The following TRIM16 variants were observed in gnomAD, a reference collection of about 807,000 sequenced individuals.
The protein encoded by TRIM16 is tripartite motif-containing protein 16.
TRIM16 carries 33 observed loss-of-function variants against 50.4 expected under a neutral mutation model. The observed-to-expected ratio is 0.65, with a 90% CI of 0.50 to 0.88. The LOEUF is 0.88. TRIM16 is among the 40% of genes least tolerant of loss of function. The pLI is 0.00. For synonymous variants in TRIM16, 229 were observed against 270.7 expected (o/e 0.85, Z 1.51); for missense variants, 581 against 686.8 (o/e 0.85, Z 1.72).
At chr17:15,658,854 T>C (rs965970735) in intron 6 of TRIM16, 2 of 985,352 alleles carry the variant, frequency 2.0e-6, no homozygotes, top group Non-Finnish European at 2.4e-6. Flanking sequence ...ATCAGCAAAC[T>C]GGTCTCCAGC....
At chr17:15,645,464 T>C (rs918581289) in intron 7 of TRIM16, among the ~76,000 whole-genome samples, 3 of 151,898 alleles carry the variant, frequency 2.0e-5, no homozygotes, top group Admixed American at 6.6e-5. Flanking sequence ...TGGGATGCAC[T>C]AAACACCTTC....
intron 11 of TRIM16, among the ~76,000 whole-genome samples, chr17:15,630,843 A>T (rs1364060225): frequency 6.6e-6 from 1 of 150,554 alleles, no homozygotes; most frequent in South Asian, 2.1e-4. Context: ...ACATATATAT[A>T]TGTCTACATG....
rs769598724 is a variant in TRIM16 at position 15,629,058 on chromosome 17, C to T, written c.1252G>A (p.Val418Met). The T allele has an allele frequency of 6.2e-7, 1 of 1,613,962 alleles. No individual in the cohort carries two copies. The highest frequency in any genetic ancestry group is 8.5e-7 in the Non-Finnish European group (1 of 1,179,858). ...LPSRFLHWRQ[V>M]LSQQSLYLHR... Reference sequence around the variant, plus strand: ...AGGTACAGACTCTGCTGGGACAGCACCTGCCGCCAGTGCAGGAACCTGCTG... The same window carrying T: ...AGGTACAGACTCTGCTGGGACAGCATCTGCCGCCAGTGCAGGAACCTGCTG... The change falls in exon 12 of 12, where the codon GTG becomes ATG. Residue 418 changes from valine to methionine, a missense_variant. Physicochemically the swap from Val to Met is conservative, Grantham distance 21. Around this residue, in one of 3 missense-constraint regions of TRIM16, gnomAD observed 450 missense variants for 544.3 expected, o/e 0.83. Transcript: ENST00000649191.
At position 15,651,632 on chromosome 17, in the gene TRIM16, T is replaced by C. The variant is rs757627744; in HGVS notation, c.-23A>G. 1.9e-6 allele frequency: 3 copies of C among 1,607,548 alleles called. No individual in the cohort carries two copies. Among genetic ancestry groups the C allele is most frequent in the Non-Finnish European group, 2.5e-6 (3 of 1,177,080 alleles). ...CATCTGGGAGGCTCTGCTCCTAGGC[T>C]GTCTTTCTTCTGTCCCTTGGCCCAG... On this transcript the variant is annotated 5_prime_UTR_variant, in exon 7 of 12. Coordinates refer to ENST00000649191, the MANE Select transcript of TRIM16 (RefSeq NM_001348119.1).
intron 6 of TRIM16, among the ~76,000 whole-genome samples, chr17:15,668,117 C>T: frequency 6.6e-6 from 1 of 152,198 alleles, no homozygotes. Flanking sequence ...TCTGCTTCCG[C>T]TGCTCTGAAC....
intron 7 of TRIM16, among the ~76,000 whole-genome samples, chr17:15,646,283 A>T (rs1987374786): frequency 6.8e-6 from 1 of 147,868 alleles, no homozygotes; most frequent in Admixed American, 6.7e-5. Context: ...TTCTCCAGTT[A>T]TTCCTGTTCC....
intron 6 of TRIM16, among the ~76,000 whole-genome samples, chr17:15,653,076 G>A (rs1987804888): frequency 1.3e-5 from 2 of 152,264 alleles, no homozygotes; most frequent in South Asian, 2.1e-4. Context: ...CCTCATGAAC[G>A]GCTCGGTGCC....
intron 6 of TRIM16, among the ~76,000 whole-genome samples, chr17:15,656,005 G>C (rs1177435138): frequency 6.6e-6 from 1 of 152,208 alleles, no homozygotes; most frequent in African/African-American, 2.4e-5. Flanking sequence ...GCATGTCCGA[G>C]CTCAATGGGA....
intron 6 of TRIM16, among the ~76,000 whole-genome samples, chr17:15,659,483 C>T (rs1988124073): frequency 6.6e-6 from 1 of 152,110 alleles, no homozygotes; most frequent in Non-Finnish European, 1.5e-5. Context: ...AAATTCCAGA[C>T]ACAAGGGCGT....
intron 6 of TRIM16, among the ~76,000 whole-genome samples, chr17:15,675,187 T>A (rs548609372): frequency 8.5e-5 from 13 of 152,210 alleles, no homozygotes; most frequent in Non-Finnish European, 1.6e-4. Context: ...CAGATTTCAG[T>A]TCAGTGTTTC....
chr17:15,630,162 C>G (rs1365811026), intron 11 of TRIM16, among the ~76,000 whole-genome samples: 1 of 152,128 alleles, frequency 6.6e-6, no homozygotes, highest in Non-Finnish European at 1.5e-5. Flanking sequence ...CAGACCTACT[C>G]AACACTCAAT....
intron 9 of TRIM16, among the ~76,000 whole-genome samples, chr17:15,633,934 C>A (rs1986568865): frequency 6.7e-6 from 1 of 149,080 alleles, no homozygotes; most frequent in South Asian, 2.2e-4. Flanking sequence ...GTGGCTCATG[C>A]CTGCAATCCC....
At chr17:15,674,649 C>CCTAGCTACTTTAAAGGCCCAGCCTCCT (rs1988853068) in intron 6 of TRIM16, among the ~76,000 whole-genome samples, 1 of 152,120 alleles carries the variant, frequency 6.6e-6, no homozygotes, top group South Asian at 2.1e-4. Context: ...AGCCCCATTC[C>CCTAGCTACTTTAAAGGCCCAGCCTCCT]CTAGCTACTT....
Position 15,677,650 on chromosome 17 carries a change from T to C in TRIM16, c.-518A>G. ...ACTCTCTGAGCAAGGTCCAGTTCTC[T>C]CCATTCTTCCTAGTGAAGTTCACAG... On this transcript the variant is annotated 5_prime_UTR_variant, in exon 5 of 12. Coordinates refer to ENST00000649191, the MANE Select transcript of TRIM16 (RefSeq NM_001348119.1). 1 of 1,042,514 alleles carries C rather than the reference T, an allele frequency of 9.6e-7. No individual in the cohort carries two copies. Among genetic ancestry groups the C allele is most frequent in the Non-Finnish European group, 1.2e-6 (1 of 858,362 alleles). 64.6% of individuals were successfully genotyped at this position (1,042,514 alleles called of 1,614,324 possible). A position where few individuals can be genotyped will look rare whatever the true frequency, so the allele number is the denominator to read the frequency against.
At chr17:15,681,497 C>A (rs1989181997) in intron 3 of TRIM16, among the ~76,000 whole-genome samples, 1 of 152,224 alleles carries the variant, frequency 6.6e-6, no homozygotes, top group South Asian at 2.1e-4. Context: ...TGTGTCGTAT[C>A]ATTCACCACT....
rs138309375 is a variant in TRIM16 at position 15,651,445 on chromosome 17, C to T, written c.165G>A (p.Thr55=). 181 of 1,612,476 alleles carry T rather than the reference C, an allele frequency of 1.1e-4. No individual in the cohort carries two copies. The highest frequency in any genetic ancestry group is 1.4e-4 in the Non-Finnish European group (168 of 1,178,878). Residue 55 remains threonine (T), a synonymous_variant, in exon 7 of 12, where the codon ACG becomes ACA. Coordinates refer to ENST00000649191, the MANE Select transcript of TRIM16 (RefSeq NM_001348119.1). The stretch of plus-strand genomic sequence containing the variant: ...CTGCAGAGTCGCTGTCCTGTTCCTC[C>T]GTCTCCCTGCCAAGCTTCTCCGAGG... ...VGSSEKLGRE[T]EEQDSDSAEQ...
At chr17:15,635,957 C>T (rs1370897885) in intron 9 of TRIM16, 79 bp downstream of exon 9, 8 of 1,443,900 alleles carry the variant, frequency 5.5e-6, no homozygotes, top group Non-Finnish European at 7.7e-6. Context: ...GTTCCATTCA[C>T]AGATGGCCAT....
chr17:15,653,654 T>C (rs966070929), intron 6 of TRIM16, among the ~76,000 whole-genome samples: 1 of 152,222 alleles, frequency 6.6e-6, no homozygotes, highest in African/African-American at 2.4e-5. Context: ...CTCAATTACC[T>C]GTTTAAAGAC....
At chr17:15,630,670 A>G (rs1986369168) in intron 11 of TRIM16, among the ~76,000 whole-genome samples, 2 of 151,232 alleles carry the variant, frequency 1.3e-5, no homozygotes, top group Admixed American at 6.6e-5. Flanking sequence ...TTTTTTTTTA[A>G]TTAGCCAGAT....
Sources: gnomAD v4.1 joint callset for allele counts (sites outside exome capture counted in the v4.1 genomes callset) on GRCh38, gnomAD v4.1.1 for gene constraint, gnomAD v4.1.1 regional missense constraint, MANE v1.5 for transcripts, NCBI Gene and HGNC (gene_info 2026-07-23, HGNC 2026-07-21) for gene names.